CHRM5: variants seen among roughly 807,000 people sequenced by gnomAD.
CHRM5 encodes the protein muscarinic acetylcholine receptor M5.
CHRM5 carries 18 observed loss-of-function variants against 39.0 expected under a neutral mutation model. The observed-to-expected ratio is 0.46, with a 90% CI of 0.32 to 0.68. The LOEUF (loss-of-function observed/expected upper bound fraction) is 0.68. Ranked by LOEUF, CHRM5 falls within the 30% of genes least tolerant of loss-of-function variation. The pLI is 0.04. For synonymous variants in CHRM5, 241 were observed against 246.3 expected (o/e 0.98, Z 0.20); for missense variants, 515 against 651.1 (o/e 0.79, Z 2.28).
chr15:34,007,571 T>A (rs935144196), intron 1 of CHRM5, among the ~76,000 whole-genome samples: 2 of 152,178 alleles, frequency 1.3e-5, no homozygotes, highest in Non-Finnish European at 2.9e-5. Context: ...GCTGCTTCTA[T>A]CATGCACCTT....
intron 1 of CHRM5, among the ~76,000 whole-genome samples, chr15:34,024,775 A>C (rs2339350): frequency 0.99 from 149,071 of 150,254 alleles, 73,960 homozygotes; most frequent in Middle Eastern, 1. Context: ...GCAGGAGAAT[A>C]GCTTGAACCC....
At chr15:33,976,305 C>A (rs2140509882) in intron 1 of CHRM5, among the ~76,000 whole-genome samples, 1 of 152,336 alleles carries the variant, frequency 6.6e-6, no homozygotes, top group South Asian at 2.1e-4. Context: ...ACTATTCATC[C>A]AAAATCTCAA....
rs937904404 is a variant in CHRM5 at position 34,066,174 on chromosome 15, G to A, written c.*1858G>A. 2 of 152,250 alleles carry A rather than the reference G, an allele frequency of 1.3e-5. No individual in the cohort carries two copies. The highest frequency in any genetic ancestry group is 2.4e-5 in the African/African-American group (1 of 41,460). The allele number at this position is 152,250 out of a possible 1,614,324, so 9.4% of individuals were successfully genotyped here. ...GCAGGTTGACACCTGCAAAGAATTC[G>A]GTGGGAACAGTAATTGGCTCAGTTC... On this transcript the variant is annotated 3_prime_UTR_variant, in exon 3 of 3. Transcript: ENST00000383263.
chr15:33,988,390 G>T (rs486230), intron 1 of CHRM5, among the ~76,000 whole-genome samples: 142,409 of 152,224 alleles, frequency 0.94, 67,208 homozygotes, highest in Non-Finnish European at 1. Flanking sequence ...ACAAATTGTT[G>T]AACTTTATTT....
At chr15:34,003,087 A>G in intron 1 of CHRM5, 1 of 1,613,988 alleles carries the variant, frequency 6.2e-7, no homozygotes, top group East Asian at 2.2e-5. Flanking sequence ...CTCCACTTTC[A>G]TTATTGACCT....
Position 34,066,919 on chromosome 15 carries a change from A to G in CHRM5, c.*2603A>G, listed in dbSNP as rs1212987489. 3 of 152,200 alleles carry G rather than the reference A, an allele frequency of 2.0e-5. No homozygotes were observed. Among genetic ancestry groups the G allele is most frequent in the Admixed American group, 2.0e-4 (3 of 15,274 alleles). 9.4% of individuals were successfully genotyped at this position (152,200 alleles called of 1,614,324 possible). A position where few individuals can be genotyped will look rare whatever the true frequency, so the allele number is the denominator to read the frequency against. Reference sequence around the variant, plus strand: ...CCTATGCCTCTTGACATAGACAAAAAATATCCCAAACTACTAGGGACAACT... The same window carrying G: ...CCTATGCCTCTTGACATAGACAAAAGATATCCCAAACTACTAGGGACAACT... On this transcript the variant is annotated 3_prime_UTR_variant, in exon 3 of 3. Transcript: ENST00000383263.
chr15:34,031,213 T>A (rs901677537), intron 1 of CHRM5, among the ~76,000 whole-genome samples: 7 of 148,476 alleles, frequency 4.7e-5, no homozygotes, highest in Non-Finnish European at 7.4e-5. Context: ...TTGCTCTTGT[T>A]GCCCAGGCTG....
At chr15:34,026,128 T>C (rs1898457318) in intron 1 of CHRM5, among the ~76,000 whole-genome samples, 1 of 152,246 alleles carries the variant, frequency 6.6e-6, no homozygotes, top group African/African-American at 2.4e-5. Flanking sequence ...GATATTCTTC[T>C]ACCCTTTTCA....
At chr15:33,986,092 A>AT (rs373045011) in intron 1 of CHRM5, among the ~76,000 whole-genome samples, 3 of 150,952 alleles carry the variant, frequency 2.0e-5, no homozygotes, top group African/African-American at 7.3e-5. Flanking sequence ...TTCACTGTAA[A>AT]TTTTTTTTTT....
At chr15:33,984,407 GT>G (rs11363064) in intron 1 of CHRM5, among the ~76,000 whole-genome samples, 59,285 of 148,010 alleles carry the variant, frequency 0.4, 12,088 homozygotes, top group Middle Eastern at 0.53. Context: ...TGATGGTAGG[GT>G]TTTTTTTTTT....
chr15:34,043,939 G>A, intron 1 of CHRM5, among the ~76,000 whole-genome samples: 1 of 151,832 alleles, frequency 6.6e-6, no homozygotes, highest in African/African-American at 2.4e-5. Flanking sequence ...CAAGGCCAAG[G>A]CCTCTATTAC....
intron 1 of CHRM5, among the ~76,000 whole-genome samples, chr15:34,029,325 C>T (rs7175823): frequency 5.3e-5 from 8 of 151,952 alleles, no homozygotes; most frequent in African/African-American, 1.7e-4. Flanking sequence ...CATAAAATAA[C>T]ACCTGGCCAC....
chr15:34,004,235 T>C (rs1897245226), intron 1 of CHRM5, among the ~76,000 whole-genome samples: 2 of 152,226 alleles, frequency 1.3e-5, no homozygotes, highest in Non-Finnish European at 2.9e-5. Context: ...GATTTTTAAA[T>C]AGGAACCCTG....
chr15:33,975,169 C>A (rs1166069561), intron 1 of CHRM5, among the ~76,000 whole-genome samples: 2 of 152,162 alleles, frequency 1.3e-5, no homozygotes, highest in Non-Finnish European at 2.9e-5. Context: ...ACACTCTCTC[C>A]TCCACACGCT....
intron 1 of CHRM5, among the ~76,000 whole-genome samples, chr15:34,033,856 C>T (rs942119358): frequency 6.6e-6 from 1 of 152,084 alleles, no homozygotes; most frequent in East Asian, 1.9e-4. Context: ...GGCGCAATTT[C>T]GGCTCACTGC....
At chr15:33,992,451 AG>A (rs552490975) in intron 1 of CHRM5, among the ~76,000 whole-genome samples, 44 of 152,268 alleles carry the variant, frequency 2.9e-4, no homozygotes, top group South Asian at 8.3e-4. Context: ...TACAAGGAAA[AG>A]TTTTTTTGTT....
At chr15:34,006,247 T>C (rs1286879891) in intron 1 of CHRM5, among the ~76,000 whole-genome samples, 1 of 151,502 alleles carries the variant, frequency 6.6e-6, no homozygotes, top group Non-Finnish European at 1.5e-5. Flanking sequence ...GGAGGCGGAG[T>C]TTGCAGTGAG....
intron 1 of CHRM5, among the ~76,000 whole-genome samples, chr15:33,996,421 T>C (rs551860100): frequency 6.6e-6 from 1 of 152,246 alleles, no homozygotes; most frequent in South Asian, 2.1e-4. Flanking sequence ...GGGAGACAAC[T>C]CCCAGTAGGG....
chr15:34,061,366 C>T (rs1394006376), intron 2 of CHRM5, among the ~76,000 whole-genome samples: 1 of 151,140 alleles, frequency 6.6e-6, no homozygotes, highest in African/African-American at 2.4e-5. Flanking sequence ...AATGTACAGT[C>T]ATTACAATGA....
Sources: gnomAD v4.1 joint callset for allele counts (sites outside exome capture counted in the v4.1 genomes callset) on GRCh38, gnomAD v4.1.1 for gene constraint, MANE v1.5 for transcripts, NCBI Gene and HGNC (gene_info 2026-07-23, HGNC 2026-07-21) for gene names.